The following NTM variants were observed in gnomAD, a reference collection of about 807,000 sequenced individuals.
NTM encodes the protein IgLON family member 2.
In NTM, 13 loss-of-function variants were observed where a neutral mutation model predicts 42.1. That is an observed-to-expected ratio of 0.31 (90% CI 0.20 to 0.49). The LOEUF (loss-of-function observed/expected upper bound fraction) is 0.49, where lower values mean the gene tolerates loss of function less well. Among genes scored for constraint, NTM ranks in the 20% least tolerant of loss-of-function variants. The pLI is 0.99. For synonymous variants in NTM, 187 were observed against 179.2 expected, an observed-to-expected ratio of 1.04 and a Z score of -0.35; for missense variants, 373 against 452.8, an observed-to-expected ratio of 0.82 and a Z score of 1.60.
chr11:132,011,990 T>A (rs1438493230), intron 2 of NTM, among the ~76,000 whole-genome samples: 1 of 152,232 alleles, frequency 6.6e-6, no homozygotes, highest in Non-Finnish European at 1.5e-5. Context: ...ATGTAATTAA[T>A]TGTTTTCATC....
intron 6 of NTM, among the ~76,000 whole-genome samples, chr11:132,314,161 TGTC>T (rs2095360526): frequency 6.6e-6 from 1 of 151,766 alleles, no homozygotes; most frequent in African/African-American, 2.4e-5. Flanking sequence ...TTTGCATGGT[TGTC>T]ATCATCACCA....
At chr11:132,137,561 A>T (rs2068193776) in intron 2 of NTM, among the ~76,000 whole-genome samples, 1 of 152,320 alleles carries the variant, frequency 6.6e-6, no homozygotes, top group South Asian at 2.1e-4. Context: ...GGCATCCTCA[A>T]ACTGGGTAAT....
intron 1 of NTM, among the ~76,000 whole-genome samples, chr11:131,772,325 T>C (rs745958227): frequency 6.6e-5 from 10 of 152,178 alleles, no homozygotes; most frequent in African/African-American, 2.4e-4. Context: ...CCAACTTGAA[T>C]GTGGGAGGCA....
intron 1 of NTM, among the ~76,000 whole-genome samples, chr11:131,543,006 T>A (rs536232663): frequency 6.6e-6 from 1 of 152,302 alleles, no homozygotes; most frequent in Admixed American, 6.5e-5. Context: ...CCCCTTCCTC[T>A]GGACGCCTTC....
At chr11:132,171,786 T>G (rs2076152810) in intron 3 of NTM, among the ~76,000 whole-genome samples, 1 of 152,212 alleles carries the variant, frequency 6.6e-6, no homozygotes, top group Non-Finnish European at 1.5e-5. Flanking sequence ...GATAGATAGA[T>G]CAGAATTTAT....
At chr11:131,654,212 C>A (rs913718541) in intron 1 of NTM, among the ~76,000 whole-genome samples, 1 of 152,146 alleles carries the variant, frequency 6.6e-6, no homozygotes, top group African/African-American at 2.4e-5. Context: ...GAAAGGAGGT[C>A]GTCTGCCTTT....
At chr11:131,557,761 T>TGG (rs2055649060) in intron 1 of NTM, among the ~76,000 whole-genome samples, 1 of 50,550 alleles carries the variant, frequency 2.0e-5, no homozygotes, top group African/African-American at 7.7e-5. Flanking sequence ...TGTGGGGGTA[T>TGG]GGGGTGGGAG....
chr11:131,672,810 G>A (rs915491620), intron 1 of NTM, among the ~76,000 whole-genome samples: 2 of 149,448 alleles, frequency 1.3e-5, no homozygotes, highest in Non-Finnish European at 3.0e-5. Context: ...TTTGCGATAA[G>A]TTCTCCCTTA....
rs1367993280 is a variant in NTM, at chr11:131,507,664, C to T, written c.82+136776C>T. On this transcript the variant is annotated intron_variant, in intron 1 of 8. Coordinates refer to ENST00000683400, the MANE Select transcript of NTM (RefSeq NM_001352005.2). ...ACCTTGGGCAGTATGGCCATTTTCA[C>T]GATATTGATTCTTCCTACCCATGAG... Among the ~76,000 whole-genome samples the T allele has an allele frequency of 1.2e-4, 17 of 147,008 alleles. No homozygotes were observed. The South Asian group carries it at 1.8e-3, about 16-fold the overall frequency.
rs199575736 is a variant in NTM, at chr11:131,795,046, GA to G, written c.83-116511del. 1.9e-3 allele frequency: 1,695 copies of G among 890,376 alleles called. 6 individuals are homozygous for G. The highest frequency in any genetic ancestry group is 2.9e-3 in the African/African-American group (162 of 55,372). The allele number at this position is 890,376 out of a possible 1,614,324, so 55.2% of individuals were successfully genotyped here. On this transcript the variant is annotated intron_variant, in intron 1 of 8. Coordinates refer to ENST00000683400, the MANE Select transcript of NTM (RefSeq NM_001352005.2). The stretch of plus-strand genomic sequence containing the variant: ...CCTGGACCCTGTAGCCAAAGGGGGG[GA>G]AAAAAACAGCACTAGTGATGTGGTC...
intron 1 of NTM, among the ~76,000 whole-genome samples, chr11:131,889,660 T>A (rs1458794584): frequency 1.3e-5 from 2 of 152,094 alleles, no homozygotes; most frequent in African/African-American, 4.8e-5. Flanking sequence ...GAGTAGGGAC[T>A]TTGTCCTCAC....
intron 1 of NTM, among the ~76,000 whole-genome samples, chr11:131,394,260 T>C (rs888309974): frequency 1.3e-5 from 2 of 152,228 alleles, no homozygotes; most frequent in Non-Finnish European, 2.9e-5. Flanking sequence ...TTTCTCTCTC[T>C]ACTCCACTCT....
At chr11:131,682,278 A>G (rs1052738210) in intron 1 of NTM, among the ~76,000 whole-genome samples, 3 of 152,142 alleles carry the variant, frequency 2.0e-5, no homozygotes, top group Admixed American at 2.0e-4. Context: ...CTTCCTGGAA[A>G]ATGGGGCAAT....
At chr11:131,715,270 G>C (rs1233012188) in intron 1 of NTM, among the ~76,000 whole-genome samples, 1 of 152,164 alleles carries the variant, frequency 6.6e-6, no homozygotes, top group Non-Finnish European at 1.5e-5. Flanking sequence ...TTTATAGCAA[G>C]ATTGAACCAG....
chr11:132,067,625 G>T (rs1252029980), intron 2 of NTM, among the ~76,000 whole-genome samples: 1 of 152,216 alleles, frequency 6.6e-6, no homozygotes, highest in East Asian at 1.9e-4. Context: ...GGAAGAAAAG[G>T]TTACCCAGAC....
chr11:131,843,091 T>C (rs1233621578), intron 1 of NTM, among the ~76,000 whole-genome samples: 1 of 152,138 alleles, frequency 6.6e-6, no homozygotes, highest in African/African-American at 2.4e-5. Context: ...TAGGAAAATA[T>C]GATGAATAAT....
At chr11:132,116,463 G>GATAC (rs2063910469) in intron 2 of NTM, among the ~76,000 whole-genome samples, 1 of 152,186 alleles carries the variant, frequency 6.6e-6, no homozygotes, top group African/African-American at 2.4e-5. Flanking sequence ...GCAGTTTCTG[G>GATAC]ATACAGAGCA....
chr11:131,963,392 T>C (rs1015623729), intron 2 of NTM, among the ~76,000 whole-genome samples: 4 of 152,196 alleles, frequency 2.6e-5, no homozygotes, highest in African/African-American at 9.7e-5. Flanking sequence ...GAAATATTAT[T>C]TTTGTTATAC....
chr11:132,069,395 AGTT>A, intron 2 of NTM, among the ~76,000 whole-genome samples: 1 of 100,550 alleles, frequency 9.9e-6, no homozygotes, highest in Admixed American at 9.5e-5. Context: ...CACTCAGCCA[AGTT>A]AACACGTCAA....
Sources: gnomAD v4.1 joint callset for allele counts (sites outside exome capture counted in the v4.1 genomes callset) on GRCh38, gnomAD v4.1.1 for gene constraint, MANE v1.5 for transcripts, NCBI Gene and HGNC (gene_info 2026-07-23, HGNC 2026-07-21) for gene names.